Variants in PTK2 observed in about 807,000 individuals in gnomAD.
PTK2 encodes focal adhesion kinase 1.
PTK2 carries 45 observed loss-of-function variants against 150.1 expected under a neutral mutation model. The observed-to-expected ratio is 0.30, with a 90% CI of 0.24 to 0.38. The LOEUF is 0.38. Among genes scored for constraint, PTK2 ranks in the 10% least tolerant of loss-of-function variants. PTK2 has a pLI of 1.00. For missense variants in PTK2, 919 were observed against 1,307.3 expected (o/e 0.70, Z 4.58); for synonymous variants, 432 against 449.2 (o/e 0.96, Z 0.48).
intron 1 of PTK2, among the ~76,000 whole-genome samples, chr8:140,937,596 A>AC (rs1569223961): frequency 6.6e-6 from 1 of 151,814 alleles, no homozygotes; most frequent in Non-Finnish European, 1.5e-5. Flanking sequence ...AAAAAAAAAA[A>AC]AAACACAAAA....
rs577017975 is a variant in PTK2, at chr8:140,970,434, C to A, written c.-122+30691G>T. 2.6e-5 allele frequency among the ~76,000 whole-genome samples: 4 copies of A among 152,362 alleles called. No individual in the cohort carries two copies. The South Asian group carries it at 8.3e-4, about 32-fold the overall frequency. ...CTCCTCCAAACCTTCTTTACACACT[C>A]TTCTCTATGTCAGTTCTTGGCAACT... is the stretch of plus-strand genomic sequence containing the variant. On this transcript the variant is annotated intron_variant, in intron 1 of 31. Transcript: ENST00000522684.
rs187927002 is a variant in PTK2, at chr8:140,995,941, C to T, written c.-122+5184G>A. Among the ~76,000 whole-genome samples the T allele has an allele frequency of 1.7e-3, 252 of 152,062 alleles. 2 individuals are homozygous for T. Among genetic ancestry groups the T allele is most frequent in the African/African-American group, 5.3e-3 (218 of 41,462 alleles). Reference sequence around the variant, plus strand: ...GATAAGAAAGTAAAACAGCCTTAGCCGGGTGCAGTGGCTCACACCTGTAAT... The same window carrying T: ...GATAAGAAAGTAAAACAGCCTTAGCTGGGTGCAGTGGCTCACACCTGTAAT... On this transcript the variant is annotated intron_variant, in intron 1 of 31. Coordinates refer to ENST00000522684, the Ensembl canonical transcript of PTK2.
chr8:140,939,030 C>T (rs372318525), intron 1 of PTK2, among the ~76,000 whole-genome samples: 51 of 151,990 alleles, frequency 3.4e-4, no homozygotes, highest in African/African-American at 1.2e-3. Context: ...TCACACCCTG[C>T]TTTCCTCCCC....
chr8:140,852,203 ACTT>A (rs2154604798), intron 5 of PTK2, among the ~76,000 whole-genome samples: 1 of 152,336 alleles, frequency 6.6e-6, no homozygotes, highest in East Asian at 1.9e-4. Flanking sequence ...AAGAAGACAG[ACTT>A]CTTATTTGCT....
At chr8:140,684,751 G>GA (rs2100018858) in intron 27 of PTK2, among the ~76,000 whole-genome samples, 1 of 152,182 alleles carries the variant, frequency 6.6e-6, no homozygotes, top group African/African-American at 2.4e-5. Context: ...TCATGGATAG[G>GA]AAGAACTGAT....
At chr8:140,973,966 GA>G (rs2100188349) in intron 1 of PTK2, among the ~76,000 whole-genome samples, 1 of 152,160 alleles carries the variant, frequency 6.6e-6, no homozygotes, top group African/African-American at 2.4e-5. Context: ...CAGGAAAGAA[GA>G]AACTTTCTTA....
intron 16 of PTK2, among the ~76,000 whole-genome samples, chr8:140,759,551 AAAAGAAAG>A (rs1285398990): frequency 6.6e-6 from 1 of 150,456 alleles, no homozygotes; most frequent in Non-Finnish European, 1.5e-5. Context: ...AAAAAAAAAA[AAAAGAAAG>A]AAAGAAAGAA....
intron 1 of PTK2, among the ~76,000 whole-genome samples, chr8:141,000,127 C>CACACACACAA (rs58481152): frequency 9.4e-4 from 117 of 123,838 alleles, no homozygotes; most frequent in African/African-American, 3.1e-3. Context: ...ACACACACAC[C>CACACACACAA]CCTTCTTCTA....
chr8:140,912,784 C>CT (rs1232390388), intron 2 of PTK2, among the ~76,000 whole-genome samples: 2 of 151,936 alleles, frequency 1.3e-5, no homozygotes, highest in Non-Finnish European at 2.9e-5. Flanking sequence ...TATGGTGAAA[C>CT]TTTGTCTATA....
intron 2 of PTK2, among the ~76,000 whole-genome samples, chr8:140,902,696 G>A (rs2100158995): frequency 6.6e-6 from 1 of 152,112 alleles, no homozygotes; most frequent in South Asian, 2.1e-4. Context: ...TGCTTTGCAT[G>A]TCTCTAATGA....
intron 7 of PTK2, among the ~76,000 whole-genome samples, chr8:140,838,810 T>A (rs1276116290): frequency 6.6e-6 from 1 of 151,988 alleles, no homozygotes; most frequent in Non-Finnish European, 1.5e-5. Flanking sequence ...ATCGAGACCA[T>A]CCTGGCTAAC....
intron 23 of PTK2, among the ~76,000 whole-genome samples, chr8:140,707,170 G>A (rs2100034283): frequency 1.3e-5 from 2 of 152,168 alleles, no homozygotes; most frequent in African/African-American, 2.4e-5. Context: ...TACATAAGTG[G>A]TTGCCAGGGG....
chr8:140,994,698 T>G (rs887293820), intron 1 of PTK2, among the ~76,000 whole-genome samples: 1 of 152,188 alleles, frequency 6.6e-6, no homozygotes, highest in Non-Finnish European at 1.5e-5. Context: ...TGTACCCACA[T>G]GAGATACACA....
chr8:140,824,458 G>C (rs149377705), intron 8 of PTK2, among the ~76,000 whole-genome samples: 2 of 152,144 alleles, frequency 1.3e-5, no homozygotes, highest in Non-Finnish European at 2.9e-5. Context: ...GTTTCCTATG[G>C]ACACAGAAAC....
At position 140,746,892 on chromosome 8, in the gene PTK2, C is replaced by CA. The variant is rs757974224; in HGVS notation, c.1418-33_1418-32insT. The CA allele has an allele frequency of 1.0e-5, 10 of 989,778 alleles. No homozygotes were observed. The African/African-American group carries it at 1.3e-4, about 13-fold the overall frequency. 61.3% of individuals were successfully genotyped at this position (989,778 alleles called of 1,614,324 possible). ...AAAAAGTTCTCCATAGTTATTCTTT[C>CA]TTTTTTTTTTTTTTTTTTAGACGGA... On this transcript the variant is annotated intron_variant, in intron 17 of 31. Coordinates refer to ENST00000522684, the Ensembl canonical transcript of PTK2.
chr8:140,790,495 C>T (rs745803637), intron 13 of PTK2, among the ~76,000 whole-genome samples: 23 of 152,196 alleles, frequency 1.5e-4, no homozygotes, highest in Non-Finnish European at 3.4e-4. Flanking sequence ...TGACTGCAAC[C>T]TGTTACACAT....
At chr8:140,879,229 G>C (rs1031434104) in intron 4 of PTK2, 3 of 361,984 alleles carry the variant, frequency 8.3e-6, no homozygotes, top group Non-Finnish European at 1.5e-5. Context: ...AAATTAGCTA[G>C]CAAAAGACCA....
chr8:140,834,984 C>T (rs1004488707), intron 7 of PTK2, among the ~76,000 whole-genome samples: 5 of 152,226 alleles, frequency 3.3e-5, no homozygotes, highest in African/African-American at 1.2e-4. Flanking sequence ...TGCACCTCCT[C>T]ATATTCCTCC....
At chr8:140,852,219 C>T (rs1010014100) in intron 5 of PTK2, among the ~76,000 whole-genome samples, 15 of 152,184 alleles carry the variant, frequency 9.9e-5, no homozygotes, top group Non-Finnish European at 2.9e-5. Context: ...TATTTGCTCT[C>T]ACTGAATGCA....
Sources: gnomAD v4.1 joint callset for allele counts (sites outside exome capture counted in the v4.1 genomes callset) on GRCh38, gnomAD v4.1.1 for gene constraint, MANE v1.5 for transcripts, NCBI Gene and HGNC (gene_info 2026-07-23, HGNC 2026-07-21) for gene names.